ARMH4: variants seen among roughly 807,000 people sequenced by gnomAD.
ARMH4 encodes armadillo-like helical domain-containing protein 4.
Under a neutral mutation model 61.9 loss-of-function variants are expected in ARMH4, and 49 were observed. The ratio of observed to expected loss-of-function variants is 0.79; its 90% CI spans 0.63 to 1.00. The LOEUF (loss-of-function observed/expected upper bound fraction) is 1.00. Ranked by LOEUF, ARMH4 falls within the 50% of genes least tolerant of loss-of-function variation. The pLI, the probability that ARMH4 is intolerant of heterozygous loss-of-function variation, is 0.00. For synonymous variants in ARMH4, 368 were observed against 341.5 expected (o/e 1.08, Z -0.85); for missense variants, 934 against 930.0 (o/e 1.00, Z -0.06).
chr14:58,060,757 G>C (rs562388626), intron 5 of ARMH4, among the ~76,000 whole-genome samples: 2 of 152,186 alleles, frequency 1.3e-5, no homozygotes, highest in Non-Finnish European at 2.9e-5. Context: ...AGGGAGAAAA[G>C]GTATCTCCGG....
chr14:58,003,600 G>A lies in ARMH4; in HGVS notation c.*1136C>T, dbSNP rs900956626. 2.0e-5 allele frequency: 3 copies of A among 152,300 alleles called. No individual in the cohort carries two copies. The highest frequency in any genetic ancestry group is 4.8e-5 in the African/African-American group (2 of 41,572). The allele number at this position is 152,300 out of a possible 1,614,324, so 9.4% of individuals were successfully genotyped here. A position where few individuals can be genotyped will look rare whatever the true frequency, so the allele number is the denominator to read the frequency against. On this transcript the variant is annotated 3_prime_UTR_variant, in exon 8 of 8. Transcript: ENST00000267485. ...GCATTGGAATATCCTATTTTGTATA[G>A]GGCAGGGAATTACATTCCAAGGGAG... is the stretch of plus-strand genomic sequence containing the variant.
rs201126356 is a variant in ARMH4 at position 58,131,711 on chromosome 14, G to A, written c.1632C>T (p.Asp544=). ...EVTPTVEEQM[D]TVTGPNEEFT... ...ACTCCTCATTTGGCCCTGTGACTGT[G>A]TCCATTTGTTCTGCCAAACACAACA... The change falls in exon 4 of 8, where the codon GAC becomes GAT. Residue 544 remains aspartate, a synonymous_variant. Coordinates refer to ENST00000267485, the MANE Select transcript of ARMH4 (RefSeq NM_001001872.4). The A allele has an allele frequency of 6.7e-4, 1,081 of 1,612,720 alleles. 11 individuals are homozygous for A. In the South Asian group the frequency reaches 0.01, roughly 16 times the overall value.
intron 5 of ARMH4, among the ~76,000 whole-genome samples, chr14:58,089,203 GCCATAGCTTAACATGTTATACAT>G (rs1414477437): frequency 1.3e-5 from 2 of 152,114 alleles, no homozygotes; most frequent in East Asian, 3.8e-4. Flanking sequence ...AAACCTTTAG[GCCATAGCTTAACATGTTATACAT>G]CAAAATACAC....
At chr14:58,021,021 G>A (rs921291194) in intron 5 of ARMH4, among the ~76,000 whole-genome samples, 1 of 152,058 alleles carries the variant, frequency 6.6e-6, no homozygotes, top group African/African-American at 2.4e-5. Flanking sequence ...AAGGCAGAGG[G>A]AAAAAAACAA....
chr14:58,137,676 G>A (rs1887351224), intron 2 of ARMH4, among the ~76,000 whole-genome samples: 1 of 152,144 alleles, frequency 6.6e-6, no homozygotes, highest in Non-Finnish European at 1.5e-5. Flanking sequence ...GGAATTACAG[G>A]AATTGGGTGT....
rs779647797 is a variant in ARMH4, at chr14:58,131,502, G to A, written c.1831+10C>T. On this transcript the variant is annotated intron_variant, in intron 4 of 7. Coordinates refer to ENST00000267485, the MANE Select transcript of ARMH4 (RefSeq NM_001001872.4). ...AGTCCTTGAAAAGATCCCCTTCAAAGCATGAATACCTTCAGATTCAAGTTG... is the reference window on the plus strand; with the variant it reads ...AGTCCTTGAAAAGATCCCCTTCAAAACATGAATACCTTCAGATTCAAGTTG... The A allele has an allele frequency of 2.5e-6, 4 of 1,608,638 alleles. No homozygotes were observed. The Admixed American group carries it at 6.7e-5, about 27-fold the overall frequency.
chr14:58,134,956 C>CA (rs199939980), intron 2 of ARMH4, among the ~76,000 whole-genome samples: 9,234 of 73,494 alleles, frequency 0.13, 663 homozygotes, highest in African/African-American at 0.23. Context: ...GACTCTGTCT[C>CA]AAAAAAAAAA....
At chr14:58,064,305 T>C (rs143693273) in intron 5 of ARMH4, among the ~76,000 whole-genome samples, 1 of 152,328 alleles carries the variant, frequency 6.6e-6, no homozygotes, top group African/African-American at 2.4e-5. Flanking sequence ...CAGAAGATAG[T>C]TGTCAGTGTT....
At chr14:58,006,784 C>T (rs891863674) in intron 6 of ARMH4, among the ~76,000 whole-genome samples, 3 of 151,092 alleles carry the variant, frequency 2.0e-5, no homozygotes, top group Admixed American at 6.6e-5. Context: ...GGGGGAGGGA[C>T]AGCATTAGGA....
chr14:58,019,087 G>A (rs1882719955), intron 5 of ARMH4, among the ~76,000 whole-genome samples: 1 of 152,174 alleles, frequency 6.6e-6, no homozygotes, highest in Admixed American at 6.5e-5. Context: ...CACAGAAGCA[G>A]AGAATGGTGG....
chr14:58,121,142 C>T (rs1175373291), intron 4 of ARMH4, among the ~76,000 whole-genome samples: 3 of 152,200 alleles, frequency 2.0e-5, no homozygotes, highest in Non-Finnish European at 2.9e-5. Context: ...TACTAGCACT[C>T]GTGCTCCCTT....
intron 5 of ARMH4, among the ~76,000 whole-genome samples, chr14:58,080,686 CA>C (rs2141241843): frequency 6.6e-6 from 1 of 152,212 alleles, no homozygotes; most frequent in African/African-American, 2.4e-5. Context: ...ATTGAAGTTT[CA>C]GGTGTACATG....
intron 4 of ARMH4, among the ~76,000 whole-genome samples, chr14:58,109,037 TTCTTTCTA>T (rs1594762019): frequency 6.6e-6 from 1 of 152,214 alleles, no homozygotes; most frequent in Admixed American, 6.5e-5. Flanking sequence ...TCTTTTAGAG[TTCTTTCTA>T]TCCTGGACAT....
intron 5 of ARMH4, among the ~76,000 whole-genome samples, chr14:58,039,264 T>G (rs1229585259): frequency 6.6e-6 from 1 of 152,182 alleles, no homozygotes; most frequent in African/African-American, 2.4e-5. Context: ...CCCCACCTAC[T>G]CCTATTCCCT....
At chr14:58,120,602 G>A (rs1886692969) in intron 4 of ARMH4, among the ~76,000 whole-genome samples, 1 of 152,228 alleles carries the variant, frequency 6.6e-6, no homozygotes, top group South Asian at 2.1e-4. Flanking sequence ...GCAGGAGGTT[G>A]TGAGAACATG....
At chr14:58,109,486 T>G (rs955759601) in intron 4 of ARMH4, among the ~76,000 whole-genome samples, 1 of 152,220 alleles carries the variant, frequency 6.6e-6, no homozygotes, top group Admixed American at 6.5e-5. Context: ...CCACTTTGAC[T>G]ATTCCTGTCC....
intron 4 of ARMH4, among the ~76,000 whole-genome samples, chr14:58,112,616 T>C (rs1886391258): frequency 6.6e-6 from 1 of 152,222 alleles, no homozygotes; most frequent in South Asian, 2.1e-4. Flanking sequence ...TTGTTCACTA[T>C]TTCTTCTTGC....
intron 5 of ARMH4, among the ~76,000 whole-genome samples, chr14:58,077,424 T>TAGA (rs1885082912): frequency 6.6e-6 from 1 of 152,108 alleles, no homozygotes; most frequent in African/African-American, 2.4e-5. Flanking sequence ...GGCAACATGG[T>TAGA]GAGACCCCAT....
At chr14:58,020,897 G>A (rs1011648448) in intron 5 of ARMH4, among the ~76,000 whole-genome samples, 2 of 152,172 alleles carry the variant, frequency 1.3e-5, no homozygotes, top group South Asian at 4.1e-4. Context: ...GGAGATCTAG[G>A]AGAGCCACTG....
Sources: gnomAD v4.1 joint callset for allele counts (sites outside exome capture counted in the v4.1 genomes callset) on GRCh38, gnomAD v4.1.1 for gene constraint, MANE v1.5 for transcripts, NCBI Gene and HGNC (gene_info 2026-07-23, HGNC 2026-07-21) for gene names.